The following ADCY5 variants were observed in gnomAD, a reference collection of about 807,000 sequenced individuals.
ADCY5 encodes adenylate cyclase 5.
Under a neutral mutation model 119.7 loss-of-function variants are expected in ADCY5, and 30 were observed. That is an observed-to-expected ratio of 0.25 (90% confidence interval 0.19 to 0.34). ADCY5 has a LOEUF of 0.34. Ranked by LOEUF, ADCY5 falls within the 10% of genes least tolerant of loss-of-function variation. The probability of loss-of-function intolerance (pLI) is 1.00; values close to 1 mark genes in which losing one functional copy is unlikely to be tolerated. For missense variants in ADCY5, 1,324 were observed against 1,775.2 expected (o/e 0.75, Z 4.57); for synonymous variants, 753 against 762.2 (o/e 0.99, Z 0.20).
In ADCY5 at chr3:123,297,398, G is replaced by A. The variant is rs1176193042; in HGVS notation, c.2901-16C>T. The A allele has an allele frequency of 2.5e-6, 4 of 1,613,742 alleles. No homozygotes were observed. The highest frequency in any genetic ancestry group is 1.1e-5 in the South Asian group (1 of 91,082). ...GAAGAAGTCTCTGTGAAGAGAGTTGGGGAAGACTGGTCAGGGCCACCCTTC... is the reference window on the plus strand; with the variant it reads ...GAAGAAGTCTCTGTGAAGAGAGTTGAGGAAGACTGGTCAGGGCCACCCTTC... On this transcript the variant is annotated splice_polypyrimidine_tract_variant and intron_variant, in intron 15 of 20. Coordinates refer to ENST00000462833, the MANE Select transcript of ADCY5 (RefSeq NM_183357.3).
Position 123,296,232 on chromosome 3 carries a change from G to A in ADCY5, c.2931-16C>T, listed in dbSNP as rs1025161900. 1 of 1,612,700 alleles carries A rather than the reference G, an allele frequency of 6.2e-7. No individual in the cohort carries two copies. The highest frequency in any genetic ancestry group is 8.5e-7 in the Non-Finnish European group (1 of 1,179,488). On this transcript the variant is annotated splice_polypyrimidine_tract_variant and intron_variant, in intron 16 of 20. Coordinates refer to ENST00000462833, the MANE Select transcript of ADCY5 (RefSeq NM_183357.3). Reference sequence around the variant, plus strand: ...ATGCTCAGGGCTGTGGGGAGGTGGTGGACAGGCCTGAGACGGCCGTGGCTC... The same window carrying A: ...ATGCTCAGGGCTGTGGGGAGGTGGTAGACAGGCCTGAGACGGCCGTGGCTC...
At chr3:123,382,316 G>A (rs1002792498) in intron 1 of ADCY5, among the ~76,000 whole-genome samples, 13 of 152,206 alleles carry the variant, frequency 8.5e-5, no homozygotes, top group Non-Finnish European at 2.9e-5. Context: ...AGGCATTGCT[G>A]GTGGGAATAA....
chr3:123,312,507 C>T (rs1456428087), intron 12 of ADCY5, among the ~76,000 whole-genome samples: 1 of 152,112 alleles, frequency 6.6e-6, no homozygotes, highest in East Asian at 1.9e-4. Flanking sequence ...AAAACCCTTT[C>T]ATCACCCCAA....
intron 1 of ADCY5, among the ~76,000 whole-genome samples, chr3:123,381,449 A>G (rs1944026786): frequency 6.6e-6 from 1 of 152,106 alleles, no homozygotes; most frequent in African/African-American, 2.4e-5. Flanking sequence ...GCAGGTGCCA[A>G]CTCTACACTT....
At chr3:123,301,526 G>T (rs2108256271) in intron 14 of ADCY5, among the ~76,000 whole-genome samples, 1 of 152,360 alleles carries the variant, frequency 6.6e-6, no homozygotes, top group South Asian at 2.1e-4. Context: ...TAACCAGGAG[G>T]CCAACACTGG....
chr3:123,424,695 C>T (rs1011440140), intron 1 of ADCY5, among the ~76,000 whole-genome samples: 10 of 152,192 alleles, frequency 6.6e-5, no homozygotes, highest in African/African-American at 2.4e-4. Flanking sequence ...CTTCTCCACC[C>T]CATGTTCAGC....
At chr3:123,335,276 C>G (rs1941965872) in intron 3 of ADCY5, among the ~76,000 whole-genome samples, 1 of 152,206 alleles carries the variant, frequency 6.6e-6, no homozygotes, top group Non-Finnish European at 1.5e-5. Context: ...CCTGGTGCCT[C>G]CCCCTTGGCC....
chr3:123,404,074 AC>A (rs1576671688), intron 1 of ADCY5: 1 of 152,252 alleles, frequency 6.6e-6, no homozygotes. Flanking sequence ...CCCTTGAAGA[AC>A]CTGAAATCCA....
chr3:123,325,497 G>A (rs1444069638), intron 7 of ADCY5, 35 bp from the exon 8 acceptor site: 2 of 1,613,464 alleles, frequency 1.2e-6, no homozygotes, highest in Non-Finnish European at 1.7e-6. Context: ...GGGAGATGAG[G>A]AGTCCAAGCG....
intron 2 of ADCY5, 140 bp from the exon 3 acceptor site, chr3:123,348,043 G>GTGTGTA: frequency 2.9e-6 from 2 of 681,712 alleles, no homozygotes; most frequent in Non-Finnish European, 2.5e-6. Flanking sequence ...AACAGTGTGT[G>GTGTGTA]TGTGTGTGTG....
chr3:123,419,703 T>C (rs1224437393), intron 1 of ADCY5, among the ~76,000 whole-genome samples: 1 of 152,022 alleles, frequency 6.6e-6, no homozygotes. Context: ...TCCAATCCTT[T>C]GCTTCCACTG....
intron 1 of ADCY5, among the ~76,000 whole-genome samples, chr3:123,402,479 A>G (rs1397302253): frequency 2.6e-5 from 4 of 152,218 alleles, no homozygotes; most frequent in African/African-American, 9.6e-5. Flanking sequence ...GGGCCCAGGA[A>G]GGCAAGCACC....
At chr3:123,297,529 G>A (rs934191746) in intron 15 of ADCY5, 147 bp from the exon 16 acceptor site, 8 of 913,066 alleles carry the variant, frequency 8.8e-6, no homozygotes, top group Admixed American at 1.8e-5. Flanking sequence ...CATATCCAAC[G>A]ACATTTTCAG....
chr3:123,320,049 G>A (rs1451747407), intron 9 of ADCY5, among the ~76,000 whole-genome samples: 4 of 152,210 alleles, frequency 2.6e-5, no homozygotes, highest in African/African-American at 9.6e-5. Flanking sequence ...CGGGCTGAAG[G>A]GCCTTGCTGA....
intron 12 of ADCY5, among the ~76,000 whole-genome samples, chr3:123,308,135 A>G (rs1380663565): frequency 7.1e-6 from 1 of 141,532 alleles, no homozygotes; most frequent in Non-Finnish European, 1.5e-5. Context: ...CCAGGTTCAC[A>G]CCATTCTCCT....
At chr3:123,305,186 T>G (rs140344716) in intron 12 of ADCY5, among the ~76,000 whole-genome samples, 1,884 of 152,284 alleles carry the variant, frequency 0.012, 38 homozygotes, top group African/African-American at 0.044. Flanking sequence ...CTTGGGACCT[T>G]TGGGCACCCC....
At position 123,325,362 on chromosome 3, in the gene ADCY5, T is replaced by C; in HGVS notation, c.2048A>G (p.His683Arg). The change falls in exon 8 of 21, where the codon CAC becomes CGC. Residue 683 changes from histidine to arginine, a missense_variant. Transcript: ENST00000462833. ...HWGAERPFYN[H>R]LGGNQVSKEM... is the part of the protein sequence containing the mutation. The stretch of plus-strand genomic sequence containing the variant: ...CTTGGACACCTGGTTGCCACCCAGG[T>C]GGTTGTAGAAGGGGCGCTCAGCCCC... 2 of 1,613,990 alleles carry C rather than the reference T, an allele frequency of 1.2e-6. No homozygotes were observed. Among genetic ancestry groups the C allele is most frequent in the African/African-American group, 1.3e-5 (1 of 75,010 alleles).
At chr3:123,428,798 C>T (rs1444227585) in intron 1 of ADCY5, among the ~76,000 whole-genome samples, 1 of 152,222 alleles carries the variant, frequency 6.6e-6, no homozygotes, top group Non-Finnish European at 1.5e-5. Flanking sequence ...CTACTCCAGA[C>T]TCACTGAATC....
rs112734884 is a variant in ADCY5, at chr3:123,433,194, G to A, written c.1134+14218C>T. 6.6e-5 allele frequency among the ~76,000 whole-genome samples: 10 copies of A among 152,286 alleles called. 3 individuals are homozygous for A. Among genetic ancestry groups the A allele is most frequent in the African/African-American group, 1.9e-4 (8 of 41,562 alleles). On this transcript the variant is annotated intron_variant, in intron 1 of 20. Transcript: ENST00000462833. ...CCAATTTAGATTGGCGGTGTCAGAT[G>A]CCACAAAGGCAGGCAGGGCCCCAGA...
Sources: allele counts gnomAD v4.1 joint callset (sites outside exome capture counted in the v4.1 genomes callset), GRCh38; gene constraint gnomAD v4.1.1; transcripts MANE v1.5; gene names NCBI Gene and HGNC (gene_info 2026-07-23, HGNC 2026-07-21).